The following XKR7 variants were observed in gnomAD, a reference collection of about 807,000 sequenced individuals.
XKR7 encodes the protein XK related 7, also known as XK-related protein 7.
XKR7 carries 11 observed loss-of-function variants against 42.2 expected under a neutral mutation model. That is an observed-to-expected ratio of 0.26 (90% CI 0.16 to 0.43). The LOEUF is 0.43. XKR7 is among the 20% of genes least tolerant of loss of function. The pLI is 1.00. For missense variants in XKR7, 710 were observed against 802.2 expected (o/e 0.89, Z 1.39); for synonymous variants, 346 against 366.4 (o/e 0.94, Z 0.64).
chr20:31,980,563 G>A (rs1009188565), intron 1 of XKR7, among the ~76,000 whole-genome samples: 2 of 152,194 alleles, frequency 1.3e-5, no homozygotes, highest in African/African-American at 4.8e-5. Flanking sequence ...CCTTGGGCAA[G>A]TCATTTCTCT....
At chr20:31,986,205 TA>T (rs1180038252) in intron 1 of XKR7, among the ~76,000 whole-genome samples, 2 of 75,086 alleles carry the variant, frequency 2.7e-5, no homozygotes, top group South Asian at 4.7e-4. Flanking sequence ...GACAGACCAC[TA>T]AACAGATCCA....
chr20:31,996,566 GC>G lies in XKR7; in HGVS notation c.850del (p.Leu284CysfsTer56). On this transcript the variant is annotated frameshift_variant, in exon 3 of 3. Coordinates refer to ENST00000562532, the MANE Select transcript of XKR7 (RefSeq NM_001011718.2). LOFTEE classifies it high-confidence loss of function. ...AWTLASYQKV[L>X]RDSRDDKRPL... ...GGACGCTGGCCTCCTACCAGAAGGT[GC>G]TGCGGGACTCGCGGGACGACAAGCG... 6.5e-7 allele frequency: 1 copy of G among 1,528,982 alleles called. No homozygotes were observed. Among genetic ancestry groups the G allele is most frequent in the Non-Finnish European group, 8.8e-7 (1 of 1,142,754 alleles). 94.7% of individuals were successfully genotyped at this position (1,528,982 alleles called of 1,614,324 possible).
At position 31,997,610 on chromosome 20, in the gene XKR7, G is replaced by A. The variant is rs1376304292; in HGVS notation, c.*153G>A. On this transcript the variant is annotated 3_prime_UTR_variant, in exon 3 of 3. Transcript: ENST00000562532. Reference sequence around the variant, plus strand: ...CCACTCTTGGGTTCTTTCAGGGGAGGGGGCAGCCTTGCGGAGGCCCCAGCC... The same window carrying A: ...CCACTCTTGGGTTCTTTCAGGGGAGAGGGCAGCCTTGCGGAGGCCCCAGCC... The A allele has an allele frequency of 1.3e-6, 1 of 758,276 alleles. No individual in the cohort carries two copies. The highest frequency in any genetic ancestry group is 1.8e-5 in the African/African-American group (1 of 56,736). The allele number at this position is 758,276 out of a possible 1,614,324, so 47.0% of individuals were successfully genotyped here.
intron 1 of XKR7, among the ~76,000 whole-genome samples, chr20:31,989,625 T>C (rs1190967163): frequency 6.6e-6 from 1 of 152,020 alleles, no homozygotes; most frequent in African/African-American, 2.4e-5. Context: ...GATTTTGTTG[T>C]TTTTTAGTGA....
intron 1 of XKR7, among the ~76,000 whole-genome samples, chr20:31,990,954 C>T (rs2064567984): frequency 6.6e-6 from 1 of 152,180 alleles, no homozygotes; most frequent in African/African-American, 2.4e-5. Flanking sequence ...GTGGTCTTTC[C>T]ACACTCCCCA....
rs532979848 is a variant in XKR7 at position 31,986,907 on chromosome 20, G to A, written c.585-8161G>A. 6.7e-4 allele frequency among the ~76,000 whole-genome samples: 92 copies of A among 136,430 alleles called. 1 individual carries two copies. The highest frequency in any genetic ancestry group is 5.0e-3 in the Middle Eastern group (1 of 200). The allele number at this position is 136,430 out of a possible 152,430, so 89.5% of individuals were successfully genotyped here. The stretch of plus-strand genomic sequence containing the variant: ...AGACAGACAGACAGACCACCAAGCC[G>A]ACCCAGCATCCAAGACACAGACAAA... On this transcript the variant is annotated intron_variant, in intron 1 of 2. Transcript: ENST00000562532.
intron 1 of XKR7, among the ~76,000 whole-genome samples, chr20:31,984,300 C>T (rs2122264727): frequency 6.6e-6 from 1 of 151,044 alleles, no homozygotes; most frequent in Admixed American, 6.6e-5. Flanking sequence ...CCTGCCCTTA[C>T]CTAGGAGTTT....
At chr20:31,971,428 C>T (rs2064465176) in intron 1 of XKR7, among the ~76,000 whole-genome samples, 1 of 152,148 alleles carries the variant, frequency 6.6e-6, no homozygotes, top group Non-Finnish European at 1.5e-5. Context: ...GGCCCTTGCC[C>T]CCAAAATCTT....
Position 31,997,465 on chromosome 20 carries a change from T to C in XKR7, c.*8T>C, listed in dbSNP as rs367762023. ...TATGAGACCACAGTGTAGGCTACAG[T>C]GTCCCAGCACAAAAGGGACAGGCTT... On this transcript the variant is annotated 3_prime_UTR_variant, in exon 3 of 3. Coordinates refer to ENST00000562532, the MANE Select transcript of XKR7 (RefSeq NM_001011718.2). 90 of 1,583,110 alleles carry C rather than the reference T, an allele frequency of 5.7e-5. No homozygotes were observed. Among genetic ancestry groups the C allele is most frequent in the Non-Finnish European group, 7.5e-5 (88 of 1,170,464 alleles).
chr20:31,990,696 ACAT>A (rs751236591), intron 1 of XKR7, among the ~76,000 whole-genome samples: 1 of 152,242 alleles, frequency 6.6e-6, no homozygotes, highest in African/African-American at 2.4e-5. Context: ...TGACTGGCTG[ACAT>A]CATGTTCTGT....
In XKR7 at chr20:31,968,576, C is replaced by T. The variant is rs752413607; in HGVS notation, c.401C>T (p.Ala134Val). 1 of 1,609,338 alleles carries T rather than the reference C, an allele frequency of 6.2e-7. No individual in the cohort carries two copies. The highest frequency in any genetic ancestry group is 1.1e-5 in the South Asian group (1 of 90,928). The change falls in exon 1 of 3, where the codon GCC (alanine) becomes GTC (valine). Residue 134 changes from alanine (A) to valine (V), a missense_variant. This residue lies in a region of XKR7 where 708 missense variants were observed against 786.2 expected (regional missense o/e 0.90). Coordinates refer to ENST00000562532, the MANE Select transcript of XKR7 (RefSeq NM_001011718.2). The surrounding 1 kb of genome is among the most constrained non-coding windows in gnomAD (Gnocchi z 4.5). Reference sequence around the variant, plus strand: ...GCCGTCAGCACCAAGGACAGCGTAGCCGGCGGAGCCGCCATCAGCACCAAG... The same window carrying T: ...GCCGTCAGCACCAAGGACAGCGTAGTCGGCGGAGCCGCCATCAGCACCAAG... ...GPAVSTKDSV[A>V]GGAAISTKDS...
Position 31,995,335 on chromosome 20 carries a change from G to C in XKR7, c.787+65G>C. On this transcript the variant is annotated intron_variant, in intron 2 of 2. Transcript: ENST00000562532. The surrounding 1 kb of genome is among the most constrained non-coding windows in gnomAD (Gnocchi z 4.1). The stretch of plus-strand genomic sequence containing the variant: ...CACCGGGCCTTTCTCCCTGCTTCAG[G>C]CTCCCTGGGGATGCCCTGTGGGCTT... 1.3e-6 allele frequency: 2 copies of C among 1,529,756 alleles called. No individual in the cohort carries two copies. Among genetic ancestry groups the C allele is most frequent in the Middle Eastern group, 2.3e-4 (1 of 4,336 alleles). 94.8% of individuals were successfully genotyped at this position (1,529,756 alleles called of 1,614,324 possible).
chr20:31,970,009 C>T (rs1403341917), intron 1 of XKR7, among the ~76,000 whole-genome samples: 2 of 152,146 alleles, frequency 1.3e-5, no homozygotes, highest in African/African-American at 2.4e-5. Context: ...GTTGTGTTGT[C>T]GAATCTCTCT....
At chr20:31,993,892 T>C (rs867313842) in intron 1 of XKR7, among the ~76,000 whole-genome samples, 5 of 151,884 alleles carry the variant, frequency 3.3e-5, no homozygotes, top group Non-Finnish European at 7.4e-5. Context: ...TCATCCCGGG[T>C]TGGGGCCGGG....
Position 31,968,878 on chromosome 20 carries a change from C to A in XKR7, c.584+119C>A, listed in dbSNP as rs951998554. The A allele has an allele frequency of 4.3e-6, 6 of 1,380,794 alleles. No individual in the cohort carries two copies. Among genetic ancestry groups the A allele is most frequent in the East Asian group, 2.6e-5 (1 of 38,294 alleles). The allele number at this position is 1,380,794 out of a possible 1,614,324, so 85.5% of individuals were successfully genotyped here. A position where few individuals can be genotyped will look rare whatever the true frequency, so the allele number is the denominator to read the frequency against. On this transcript the variant is annotated intron_variant, in intron 1 of 2. Coordinates refer to ENST00000562532, the MANE Select transcript of XKR7 (RefSeq NM_001011718.2). The surrounding 1 kb of genome is among the most constrained non-coding windows in gnomAD (Gnocchi z 4.5). ...TACCCTCCTGTCCTGACCTCCCCCC[C>A]TCCCCACCCCATTGCAGCTCTAATT...
At position 31,995,404 on chromosome 20, in the gene XKR7, C is replaced by A; in HGVS notation, c.787+134C>A. ...CTCACTCAGTCAGGGTTTAGGGAGG[C>A]CTGCCCCTTCTACCCTCACCACCCT... On this transcript the variant is annotated intron_variant, in intron 2 of 2. Transcript: ENST00000562532. The surrounding 1 kb of genome is among the most constrained non-coding windows in gnomAD (Gnocchi z 4.1). 4.2e-6 allele frequency: 6 copies of A among 1,424,308 alleles called. No homozygotes were observed. In the South Asian group the frequency reaches 6.6e-5, roughly 16 times the overall value. 88.2% of individuals were successfully genotyped at this position (1,424,308 alleles called of 1,614,324 possible).
Position 31,968,526 on chromosome 20 carries a change from G to T in XKR7, c.351G>T (p.Ser117=). The T allele has an allele frequency of 6.2e-7, 1 of 1,609,106 alleles. No individual in the cohort carries two copies. Among genetic ancestry groups the T allele is most frequent in the Non-Finnish European group, 8.5e-7 (1 of 1,177,920 alleles). ...TCCGCTGGTTCGTCTACGACTACTC[G>T]GAGCCCGCAGGGTCCCCGGGACCCG... is the stretch of plus-strand genomic sequence containing the variant. ...LSFRWFVYDY[S]EPAGSPGPAV... The change falls in exon 1 of 3, where the codon TCG becomes TCT. Residue 117 remains serine (S), a synonymous_variant. Transcript: ENST00000562532. This position sits in a 1 kb window ranked among gnomAD's most constrained non-coding sequence, Gnocchi z 4.5.
At position 31,997,131 on chromosome 20, in the gene XKR7, C is replaced by G. The variant is rs770474566; in HGVS notation, c.1414C>G (p.Pro472Ala). Residue 472 changes from proline to alanine, a missense_variant, in exon 3 of 3, where the codon CCC becomes GCC. Coordinates refer to ENST00000562532, the MANE Select transcript of XKR7 (RefSeq NM_001011718.2). ...CGPPADAITSPPRSLPRTTGA... is the reference protein window; with the variant it reads ...CGPPADAITSAPRSLPRTTGA... The stretch of plus-strand genomic sequence containing the variant: ...CCCACCCGCTGACGCCATCACGAGT[C>G]CCCCCAGGTCCCTGCCAAGGACTAC... 17 of 1,612,202 alleles carry G rather than the reference C, an allele frequency of 1.1e-5. No individual in the cohort carries two copies. Among genetic ancestry groups the G allele is most frequent in the Admixed American group, 3.3e-5 (2 of 60,034 alleles).
intron 1 of XKR7, among the ~76,000 whole-genome samples, chr20:31,983,482 C>T (rs940850000): frequency 6.6e-6 from 1 of 151,996 alleles, no homozygotes; most frequent in African/African-American, 2.4e-5. Context: ...GTTTGACAGG[C>T]GTTAGTGAGG....
Sources: gnomAD v4.1 joint callset for allele counts (sites outside exome capture counted in the v4.1 genomes callset) on GRCh38, gnomAD v4.1.1 for gene constraint, gnomAD v4.1.1 regional missense constraint, Gnocchi (gnomAD v3.1) non-coding constraint, MANE v1.5 for transcripts, NCBI Gene and HGNC (gene_info 2026-07-23, HGNC 2026-07-21) for gene names.